The following PARD3 variants were observed in gnomAD, a reference collection of about 807,000 sequenced individuals.
The protein encoded by PARD3 is par-3 family cell polarity regulator.
Under a neutral mutation model 155.4 loss-of-function variants are expected in PARD3, and 75 were observed. That is an observed-to-expected ratio of 0.48 (90% CI 0.40 to 0.58). PARD3 has a LOEUF of 0.58. Ranked by LOEUF, PARD3 falls within the 20% of genes least tolerant of loss-of-function variation. The pLI, the probability that PARD3 is intolerant of heterozygous loss-of-function variation, is 0.00. For missense variants in PARD3, 1,642 were observed against 1,721.7 expected (o/e 0.95, Z 0.82); for synonymous variants, 576 against 610.5 (o/e 0.94, Z 0.83).
intron 4 of PARD3, among the ~76,000 whole-genome samples, chr10:34,463,498 T>C (rs1373612578): frequency 6.6e-6 from 1 of 152,180 alleles, no homozygotes; most frequent in Non-Finnish European, 1.5e-5. Flanking sequence ...AAAGATATTT[T>C]CAGTTATATT....
intron 1 of PARD3, among the ~76,000 whole-genome samples, chr10:34,807,323 AC>A (rs1420206911): frequency 3.9e-5 from 6 of 152,236 alleles, no homozygotes; most frequent in Non-Finnish European, 4.4e-5. Context: ...ACTACAAAAT[AC>A]CTAAAAATGG....
At chr10:34,269,588 C>T in intron 22 of PARD3, 69 bp downstream of exon 22, 4 of 1,554,756 alleles carry the variant, frequency 2.6e-6, no homozygotes, top group Non-Finnish European at 3.5e-6. Context: ...GATGAATGGT[C>T]TACTCCCCTG....
rs1232114417 is a variant in PARD3 at position 34,626,744 on chromosome 10, C to A, written c.222+69574G>T. ...ACATGGTTATGACACTCAAATCTAA[C>A]ACAGTTGCACATACTATAATTTCAG... On this transcript the variant is annotated intron_variant, in intron 2 of 24. Coordinates refer to ENST00000374788, the MANE Select transcript of PARD3 (RefSeq NM_001184785.2). Among the ~76,000 whole-genome samples, 3 of 152,184 alleles carry A rather than the reference C, an allele frequency of 2.0e-5. No homozygotes were observed. In the East Asian group the frequency reaches 5.8e-4, roughly 29 times the overall value.
intron 18 of PARD3, among the ~76,000 whole-genome samples, chr10:34,331,608 GAAATTGTTGTC>G (rs1835624354): frequency 6.6e-6 from 1 of 152,108 alleles, no homozygotes; most frequent in African/African-American, 2.4e-5. Context: ...TTCAACAGAT[GAAATTGTTGTC>G]AAATCGTTTT....
At chr10:34,503,417 C>T (rs2080844173) in intron 3 of PARD3, among the ~76,000 whole-genome samples, 1 of 152,168 alleles carries the variant, frequency 6.6e-6, no homozygotes, top group Admixed American at 6.6e-5. Context: ...ATTTTCTCAT[C>T]TTAAACATGG....
intron 2 of PARD3, among the ~76,000 whole-genome samples, chr10:34,617,477 T>A (rs2091335583): frequency 6.6e-6 from 1 of 151,944 alleles, no homozygotes; most frequent in Non-Finnish European, 1.5e-5. Flanking sequence ...GAAGAGAAAA[T>A]TTTTAATGTT....
intron 1 of PARD3, among the ~76,000 whole-genome samples, chr10:34,786,643 C>T (rs2134210453): frequency 6.6e-6 from 1 of 152,170 alleles, no homozygotes; most frequent in East Asian, 1.9e-4. Flanking sequence ...AATGTGCCTG[C>T]CAGCGTATGA....
intron 3 of PARD3, among the ~76,000 whole-genome samples, chr10:34,507,030 C>G (rs2081112625): frequency 6.6e-6 from 1 of 152,158 alleles, no homozygotes; most frequent in Admixed American, 6.5e-5. Context: ...AGGGAATACA[C>G]ATCAGTCTGC....
chr10:34,645,190 T>G (rs898571618), intron 2 of PARD3, among the ~76,000 whole-genome samples: 5 of 138,352 alleles, frequency 3.6e-5, no homozygotes, highest in East Asian at 1.9e-4. Context: ...ATTTTATTTT[T>G]ATTTTATTTT....
At chr10:34,694,136 T>C (rs189758813) in intron 2 of PARD3, among the ~76,000 whole-genome samples, 4,469 of 141,430 alleles carry the variant, frequency 0.032, 220 homozygotes, top group African/African-American at 0.11. Context: ...AGAGAGAGAC[T>C]GAGAAAGAGA....
At chr10:34,163,189 C>T (rs569775497) in intron 22 of PARD3, among the ~76,000 whole-genome samples, 4 of 152,152 alleles carry the variant, frequency 2.6e-5, no homozygotes, top group South Asian at 4.2e-4. Context: ...GAGGGAGTTG[C>T]GTATTCACCT....
At chr10:34,500,388 C>G (rs1317966045) in intron 3 of PARD3, among the ~76,000 whole-genome samples, 2 of 152,156 alleles carry the variant, frequency 1.3e-5, no homozygotes, top group African/African-American at 4.8e-5. Context: ...CTCATGAAGA[C>G]TCATTAGAAC....
At chr10:34,717,972 G>T (rs2094545351) in intron 1 of PARD3, among the ~76,000 whole-genome samples, 1 of 151,752 alleles carries the variant, frequency 6.6e-6, no homozygotes, top group Non-Finnish European at 1.5e-5. Context: ...TGGGCAACAT[G>T]GTAAAGCCCT....
chr10:34,472,033 C>T (rs902566107), intron 3 of PARD3, among the ~76,000 whole-genome samples: 9 of 152,088 alleles, frequency 5.9e-5, no homozygotes, highest in Non-Finnish European at 1.2e-4. Flanking sequence ...CAATAGTCTC[C>T]AATGTGAAAG....
chr10:34,179,916 T>A (rs1039166084), intron 22 of PARD3, among the ~76,000 whole-genome samples: 2 of 151,232 alleles, frequency 1.3e-5, no homozygotes, highest in Non-Finnish European at 3.0e-5. Context: ...AATGCCTTAT[T>A]TTTTTTTTAA....
At chr10:34,126,215 T>G (rs989629876) in intron 23 of PARD3, among the ~76,000 whole-genome samples, 1 of 152,202 alleles carries the variant, frequency 6.6e-6, no homozygotes, top group African/African-American at 2.4e-5. Context: ...CTAAAGACCT[T>G]TTGTGCCACA....
At chr10:34,625,038 C>G (rs1426079224) in intron 2 of PARD3, among the ~76,000 whole-genome samples, 1 of 152,192 alleles carries the variant, frequency 6.6e-6, no homozygotes. Context: ...ACAAGCTCAA[C>G]TGCTCAGCTT....
At chr10:34,141,051 T>C (rs1302808789) in intron 22 of PARD3, among the ~76,000 whole-genome samples, 1 of 152,218 alleles carries the variant, frequency 6.6e-6, no homozygotes, top group Non-Finnish European at 1.5e-5. Flanking sequence ...TTTTCTATGA[T>C]AATCCCAGAC....
chr10:34,235,567 T>A (rs1265580507), intron 22 of PARD3, among the ~76,000 whole-genome samples: 1 of 152,236 alleles, frequency 6.6e-6, no homozygotes, highest in African/African-American at 2.4e-5. Flanking sequence ...TATGTGTTTA[T>A]AAAACGCCAC....
Sources: allele counts gnomAD v4.1 joint callset (sites outside exome capture counted in the v4.1 genomes callset), GRCh38; gene constraint gnomAD v4.1.1; transcripts MANE v1.5; gene names NCBI Gene and HGNC (gene_info 2026-07-23, HGNC 2026-07-21).